Variants in LARGE1 observed in about 807,000 individuals in gnomAD.
The protein encoded by LARGE1 is xylosyl- and glucuronyltransferase LARGE1.
Under a neutral mutation model 87.6 loss-of-function variants are expected in LARGE1, and 43 were observed. That is an observed-to-expected ratio of 0.49 (90% confidence interval 0.38 to 0.63). LARGE1 has a LOEUF of 0.63. LARGE1 is among the 30% of genes least tolerant of loss of function. The pLI, the probability that LARGE1 is intolerant of heterozygous loss-of-function variation, is 0.00. For missense variants in LARGE1, 802 were observed against 1,000.2 expected (o/e 0.80, Z 2.67); for synonymous variants, 434 against 394.6 (o/e 1.10, Z -1.18).
At chr22:33,660,098 T>C (rs1040874204) in intron 2 of LARGE1, among the ~76,000 whole-genome samples, 1 of 148,848 alleles carries the variant, frequency 6.7e-6, no homozygotes, top group Non-Finnish European at 1.5e-5. Flanking sequence ...GTGTTTTTTT[T>C]TTTTTTTTTT....
intron 5 of LARGE1, among the ~76,000 whole-genome samples, chr22:33,602,231 G>A (rs1335104654): frequency 1.3e-5 from 2 of 152,214 alleles, no homozygotes; most frequent in Admixed American, 6.5e-5. Context: ...AGAATTCTTC[G>A]GCGGTAAACC....
chr22:33,530,880 A>G (rs1277824744), intron 6 of LARGE1, among the ~76,000 whole-genome samples: 1 of 152,226 alleles, frequency 6.6e-6, no homozygotes, highest in Non-Finnish European at 1.5e-5. Flanking sequence ...CTAAAAGAAC[A>G]GTATCTTATT....
intron 2 of LARGE1, among the ~76,000 whole-genome samples, chr22:33,657,573 T>G (rs1417538464): frequency 1.3e-5 from 2 of 152,044 alleles, no homozygotes. Flanking sequence ...CAGTCAAATT[T>G]TATTTCCAAA....
chr22:33,148,100 C>T, the LARGE1 span, among the ~76,000 whole-genome samples: 1 of 152,130 alleles, frequency 6.6e-6, no homozygotes, highest in Non-Finnish European at 1.5e-5. Context: ...GGCCTGTTTC[C>T]TCTTTCTGAC....
At chr22:33,877,424 G>A (rs1400717977) in intron 1 of LARGE1, among the ~76,000 whole-genome samples, 5 of 152,116 alleles carry the variant, frequency 3.3e-5, no homozygotes, top group African/African-American at 4.8e-5. Flanking sequence ...TAGCACAGCA[G>A]GGCTCTGAGG....
At chr22:33,597,379 C>T (rs927280324) in intron 5 of LARGE1, among the ~76,000 whole-genome samples, 2 of 151,944 alleles carry the variant, frequency 1.3e-5, no homozygotes. Flanking sequence ...AGAAAATGTC[C>T]AGTATTCAGG....
intron 1 of LARGE1, among the ~76,000 whole-genome samples, chr22:33,893,466 G>C (rs567856912): frequency 6.6e-6 from 1 of 152,180 alleles, no homozygotes; most frequent in South Asian, 2.1e-4. Flanking sequence ...AAACCCTGCC[G>C]TCATCAGCTC....
chr22:33,395,899 G>T (rs867147267), intron 7 of LARGE1, among the ~76,000 whole-genome samples: 1 of 152,222 alleles, frequency 6.6e-6, no homozygotes, highest in Non-Finnish European at 1.5e-5. Context: ...TGATATATCA[G>T]TGTGCACAGT....
At chr22:33,468,672 T>C (rs2068711826) in intron 6 of LARGE1, among the ~76,000 whole-genome samples, 1 of 152,164 alleles carries the variant, frequency 6.6e-6, no homozygotes, top group South Asian at 2.1e-4. Flanking sequence ...CATATATTAA[T>C]CCCCGTTTGT....
At chr22:33,781,667 G>C (rs945388509) in intron 1 of LARGE1, among the ~76,000 whole-genome samples, 1 of 152,174 alleles carries the variant, frequency 6.6e-6, no homozygotes, top group African/African-American at 2.4e-5. Flanking sequence ...GTCTACCCCA[G>C]GGTGACCCAT....
chr22:33,319,851 A>G (rs1936546185), intron 10 of LARGE1, among the ~76,000 whole-genome samples: 2 of 152,136 alleles, frequency 1.3e-5, no homozygotes, highest in Admixed American at 1.3e-4. Flanking sequence ...TGCCCACCAA[A>G]TGCTTATAGC....
intron 12 of LARGE1, among the ~76,000 whole-genome samples, chr22:33,302,083 G>A (rs184944144): frequency 2.0e-5 from 3 of 152,326 alleles, no homozygotes; most frequent in East Asian, 3.9e-4. Context: ...TCTTTTCTTA[G>A]TCTAGGGTGG....
intron 1 of LARGE1, among the ~76,000 whole-genome samples, chr22:33,769,323 G>A (rs1348580680): frequency 6.6e-6 from 1 of 152,166 alleles, no homozygotes; most frequent in Non-Finnish European, 1.5e-5. Flanking sequence ...CACTGACTTA[G>A]TGGTTGGAAA....
At chr22:33,868,771 T>G (rs1418927879) in intron 1 of LARGE1, among the ~76,000 whole-genome samples, 1 of 152,138 alleles carries the variant, frequency 6.6e-6, no homozygotes, top group East Asian at 1.9e-4. Context: ...TCCCAACTCA[T>G]CATGCATTTA....
At chr22:33,152,687 A>G in the LARGE1 span, among the ~76,000 whole-genome samples, 3 of 152,154 alleles carry the variant, frequency 2.0e-5, no homozygotes, top group African/African-American at 7.2e-5. Context: ...TAATCGCAGC[A>G]TAGAAAATTT....
At chr22:33,642,710 C>CAAAAAAAAAA (rs60815644) in intron 3 of LARGE1, among the ~76,000 whole-genome samples, 2 of 17,352 alleles carry the variant, frequency 1.2e-4, no homozygotes, top group Non-Finnish European at 1.9e-4. Flanking sequence ...AAATGGAAAG[C>CAAAAAAAAAA]AAAAAAAAAA....
At chr22:33,913,257 T>A (rs990268592) in intron 1 of LARGE1, among the ~76,000 whole-genome samples, 1 of 152,250 alleles carries the variant, frequency 6.6e-6, no homozygotes, top group African/African-American at 2.4e-5. Context: ...CCTAATTTAC[T>A]TTTTAAACCA....
intron 11 of LARGE1, among the ~76,000 whole-genome samples, chr22:33,261,248 C>T (rs1927609708): frequency 6.6e-6 from 1 of 152,164 alleles, no homozygotes; most frequent in Admixed American, 6.5e-5. Context: ...AGAGGCTTCT[C>T]CACACAGTGC....
intron 11 of LARGE1, among the ~76,000 whole-genome samples, chr22:33,248,173 C>T (rs1424522904): frequency 6.6e-6 from 1 of 151,926 alleles, no homozygotes; most frequent in African/African-American, 2.4e-5. Flanking sequence ...CGCCACCTTC[C>T]CCAACACTTG....
Sources: allele counts gnomAD v4.1 joint callset (sites outside exome capture counted in the v4.1 genomes callset), GRCh38; gene constraint gnomAD v4.1.1; transcripts MANE v1.5; gene names NCBI Gene and HGNC (gene_info 2026-07-23, HGNC 2026-07-21).